The following RGS14 variants were observed in gnomAD, a reference collection of about 807,000 sequenced individuals.
RGS14 encodes the protein regulator of G protein signaling 14.
RGS14 carries 33 observed loss-of-function variants against 63.8 expected under a neutral mutation model. The ratio of observed to expected loss-of-function variants is 0.52; its 90% CI spans 0.39 to 0.69. The LOEUF (loss-of-function observed/expected upper bound fraction) is 0.69, where lower values mean the gene tolerates loss of function less well. RGS14 is among the 30% of genes least tolerant of loss of function. The pLI, the probability that RGS14 is intolerant of heterozygous loss-of-function variation, is 0.00. For synonymous variants in RGS14, 296 were observed against 320.9 expected, an observed-to-expected ratio of 0.92 and a Z score of 0.83; for missense variants, 739 against 742.9, an observed-to-expected ratio of 0.99 and a Z score of 0.06.
At chr5:177,368,322 G>T in intron 8 of RGS14, 56 bp downstream of exon 8, 2 of 1,522,588 alleles carry the variant, frequency 1.3e-6, no homozygotes, top group Non-Finnish European at 8.9e-7. Flanking sequence ...CACTACTCAG[G>T]CCCATTTACG....
At chr5:177,365,925 C>T in intron 1 of RGS14, 38 bp from the exon 2 acceptor site, 2 of 1,611,822 alleles carry the variant, frequency 1.2e-6, no homozygotes, top group Non-Finnish European at 1.7e-6. Context: ...GGAATCCTCA[C>T]TGGGCTCTTC....
At chr5:177,361,417 G>A (rs766568263) in intron 1 of RGS14, among the ~76,000 whole-genome samples, 3 of 152,176 alleles carry the variant, frequency 2.0e-5, no homozygotes, top group Non-Finnish European at 4.4e-5. Context: ...CCCTGAGCAG[G>A]TCATGCCAGA....
At position 177,358,722 on chromosome 5, in the gene RGS14, T is replaced by G. The variant is rs1421196886; in HGVS notation, c.45+653T>G. ...TGGCTGCTTAGCCCCAGATCAGAGC[T>G]GCCCTCAGAGGATCTGGCTCTTCTC... On this transcript the variant is annotated intron_variant, in intron 1 of 14. Coordinates refer to ENST00000408923, the MANE Select transcript of RGS14 (RefSeq NM_006480.5). This position sits in a 1 kb window ranked among gnomAD's most constrained non-coding sequence, Gnocchi z 4.8. Among the ~76,000 whole-genome samples, 3 of 152,236 alleles carry G rather than the reference T, an allele frequency of 2.0e-5. No homozygotes were observed. The highest frequency in any genetic ancestry group is 4.4e-5 in the Non-Finnish European group (3 of 68,034).
chr5:177,366,785 C>T lies in RGS14; in HGVS notation c.324C>T (p.Ala108=), dbSNP rs1762104057. The part of the protein sequence containing the change: ...KACERFQQIP[A]SDTQQLAQEA... ...GCGAGCGCTTCCAGCAGATCCCGGC[C>T]AGCGATACCCAGCAGGTGGGGGAAG... Residue 108 remains alanine (A), a synonymous_variant, in exon 4 of 15, where the codon GCC becomes GCT. Transcript: ENST00000408923. 4 of 1,614,124 alleles carry T rather than the reference C, an allele frequency of 2.5e-6. No individual in the cohort carries two copies. The East Asian group carries it at 8.9e-5, about 36-fold the overall frequency.
chr5:177,368,167 G>A lies in RGS14; in HGVS notation c.750G>A (p.Gly250=), dbSNP rs768039611. The A allele has an allele frequency of 6.2e-7, 1 of 1,613,432 alleles. No individual in the cohort carries two copies. ...CTCCCTCTTCACTAGAGCTGGGCGG[G>A]ACTGCAAACGCCGCCTTGCGCCGAG... is the stretch of plus-strand genomic sequence containing the variant. ...LRKSFRRELG[G]TANAALRRES... is the part of the protein sequence containing the mutation. Residue 250 remains glycine, a synonymous_variant, in exon 8 of 15, where the codon GGG becomes GGA. Transcript: ENST00000408923.
Position 177,366,990 on chromosome 5 carries a change from C to A in RGS14, c.439C>A (p.Leu147Met), listed in dbSNP as rs768803674. The A allele has an allele frequency of 6.2e-7, 1 of 1,613,378 alleles. No homozygotes were observed. Among genetic ancestry groups the A allele is most frequent in the Admixed American group, 1.7e-5 (1 of 60,024 alleles). ...TCAGGCCTGGCTTGGCGAGGAGGTG[C>A]TGGCCGAGCCCCGGCCGGACATGTT... ...DRQAWLGEEV[L>M]AEPRPDMFRA... Residue 147 changes from leucine (L) to methionine (M), a missense_variant, in exon 5 of 15, where the codon CTG becomes ATG. Transcript: ENST00000408923.
At chr5:177,370,191 G>A (rs915564171) in intron 9 of RGS14, among the ~76,000 whole-genome samples, 43 of 152,342 alleles carry the variant, frequency 2.8e-4, no homozygotes, top group African/African-American at 9.9e-4. Context: ...GGGAGGAAAT[G>A]CTTCCAGCTG....
Position 177,366,980 on chromosome 5 carries a change from C to G in RGS14, c.429C>G (p.Gly143=). The change falls in exon 5 of 15, where the codon GGC becomes GGG. Residue 143 remains glycine, a synonymous_variant. Transcript: ENST00000408923. ...ACATCGACCGTCAGGCCTGGCTTGGCGAGGAGGTGCTGGCCGAGCCCCGGC... is the reference window on the plus strand; with the variant it reads ...ACATCGACCGTCAGGCCTGGCTTGGGGAGGAGGTGCTGGCCGAGCCCCGGC... The part of the protein sequence containing the change: ...PVNIDRQAWL[G]EEVLAEPRPD... 6.2e-7 allele frequency: 1 copy of G among 1,613,588 alleles called. No homozygotes were observed. The highest frequency in any genetic ancestry group is 1.1e-5 in the South Asian group (1 of 91,018).
rs1227023726 is a variant in RGS14 at position 177,371,086 on chromosome 5, CGGGGCCG to C, written c.1254+59_1254+65del. The C allele has an allele frequency of 3.0e-4, 122 of 406,512 alleles. 5 individuals are homozygous for C. The African/African-American group carries it at 9.1e-3, about 30-fold the overall frequency. 25.2% of individuals were successfully genotyped at this position (406,512 alleles called of 1,614,324 possible). A position where few individuals can be genotyped will look rare whatever the true frequency, so the allele number is the denominator to read the frequency against. ...GGCGGGGCCGGGCCGGGGCCGGGGC[CGGGGCCG>C]GGGCCGGGGCCGGGGCCGGGGCCGG... On this transcript the variant is annotated intron_variant, in intron 11 of 14. Transcript: ENST00000408923. The surrounding 1 kb of genome is among the most constrained non-coding windows in gnomAD (Gnocchi z 6.1).
At position 177,367,762 on chromosome 5, in the gene RGS14, T is replaced by G. The variant is rs1127682; in HGVS notation, c.676T>G (p.Leu226Val). The G allele has an allele frequency of 6.2e-7, 1 of 1,612,620 alleles. No individual in the cohort carries two copies. The highest frequency in any genetic ancestry group is 8.5e-7 in the Non-Finnish European group (1 of 1,179,538). Residue 226 changes from leucine (L) to valine (V), a missense_variant, in exon 7 of 15, where the codon TTG (leucine) becomes GTG (valine). By Grantham distance (32) the Leu-to-Val change is conservative (BLOSUM62 1). Coordinates refer to ENST00000408923, the MANE Select transcript of RGS14 (RefSeq NM_006480.5). ...GTCGCTGCCGCTGGGTGTGGAGGAGTTGGGGCAGCTGCCACCCGTTGAGGG... is the reference window on the plus strand; with the variant it reads ...GTCGCTGCCGCTGGGTGTGGAGGAGGTGGGGCAGCTGCCACCCGTTGAGGG... Reference protein sequence around the residue: ...GKSLPLGVEELGQLPPVEGPG... With the variant: ...GKSLPLGVEEVGQLPPVEGPG...
intron 7 of RGS14, 98 bp downstream of exon 7, chr5:177,367,923 G>C (rs963617020): frequency 2.8e-6 from 4 of 1,443,494 alleles, no homozygotes; most frequent in Non-Finnish European, 3.6e-6. Context: ...CAGTCTGTAA[G>C]TCTGTGAAAA....
intron 3 of RGS14, 54 bp downstream of exon 3, chr5:177,366,409 GA>G (rs1293036127): frequency 6.2e-6 from 9 of 1,458,490 alleles, no homozygotes; most frequent in Non-Finnish European, 1.8e-6. Flanking sequence ...GCAGGGCGTG[GA>G]TGGAGCTTCA....
intron 9 of RGS14, 172 bp from the exon 10 acceptor site, chr5:177,370,419 C>T: frequency 1.7e-6 from 1 of 595,564 alleles, no homozygotes; most frequent in South Asian, 2.0e-5. Flanking sequence ...TGGGCTTGGA[C>T]TCCAGCTTGG....
In RGS14 at chr5:177,367,746, G is replaced by C. The variant is rs770834079; in HGVS notation, c.660G>C (p.Pro220=). ...KPKLKPGKSL[P]LGVEELGQLP... Reference sequence around the variant, plus strand: ...AGCTGAAGCCCGGGAAGTCGCTGCCGCTGGGTGTGGAGGAGTTGGGGCAGC... The same window carrying C: ...AGCTGAAGCCCGGGAAGTCGCTGCCCCTGGGTGTGGAGGAGTTGGGGCAGC... The change falls in exon 7 of 15, where the codon CCG becomes CCC. Residue 220 remains proline, a synonymous_variant. Transcript: ENST00000408923. The C allele has an allele frequency of 2.5e-6, 4 of 1,612,976 alleles. No individual in the cohort carries two copies. The highest frequency in any genetic ancestry group is 3.4e-6 in the Non-Finnish European group (4 of 1,179,746).
At position 177,364,480 on chromosome 5, in the gene RGS14, C is replaced by A. The variant is rs1309588143; in HGVS notation, c.46-1483C>A. On this transcript the variant is annotated intron_variant, in intron 1 of 14. Coordinates refer to ENST00000408923, the MANE Select transcript of RGS14 (RefSeq NM_006480.5). This position sits in a 1 kb window ranked among gnomAD's most constrained non-coding sequence, Gnocchi z 4.6. ...GGACATTTGAGGGGGGACTCGCCCC[C>A]CTCCGCTGGGCTGCCTGGCCCTGCC... 6.6e-6 allele frequency among the ~76,000 whole-genome samples: 1 copy of A among 152,148 alleles called. No homozygotes were observed. The highest frequency in any genetic ancestry group is 1.9e-4 in the East Asian group (1 of 5,180).
chr5:177,360,384 G>A (rs540109910), intron 1 of RGS14, among the ~76,000 whole-genome samples: 1 of 151,932 alleles, frequency 6.6e-6, no homozygotes, highest in South Asian at 2.1e-4. Context: ...GACCAGCCTG[G>A]GCAACATAGT....
chr5:177,357,947 G>A lies in RGS14; in HGVS notation c.-78G>A, dbSNP rs920140293. 16 of 1,251,966 alleles carry A rather than the reference G, an allele frequency of 1.3e-5. No individual in the cohort carries two copies. Among genetic ancestry groups the A allele is most frequent in the Admixed American group, 8.0e-5 (2 of 24,888 alleles). 77.6% of individuals were successfully genotyped at this position (1,251,966 alleles called of 1,614,324 possible). ...CTCTCTCCACTGCCTGCCCGCCACC[G>A]TGCAAGCTCTGGCCGGCGCTGCCCA... On this transcript the variant is annotated 5_prime_UTR_variant, in exon 1 of 15. In the 5' UTR this introduces an upstream ATG that the reference lacks. Coordinates refer to ENST00000408923, the MANE Select transcript of RGS14 (RefSeq NM_006480.5).
rs1414909484 is a variant in RGS14, at chr5:177,371,455, C to T, written c.1384-20C>T. 1 of 1,614,162 alleles carries T rather than the reference C, an allele frequency of 6.2e-7. No homozygotes were observed. The highest frequency in any genetic ancestry group is 1.3e-5 in the African/African-American group (1 of 75,038). ...TGCTTCTCCCCTCCCGATTTTGGCT[C>T]TGACCCCAAATTCTCGCAGGGCTGC... is the stretch of plus-strand genomic sequence containing the variant. On this transcript the variant is annotated intron_variant, in intron 13 of 14. Transcript: ENST00000408923. This position sits in a 1 kb window ranked among gnomAD's most constrained non-coding sequence, Gnocchi z 6.1.
At chr5:177,367,923 GTC>G in intron 7 of RGS14, 98 bp downstream of exon 7, 2 of 1,443,494 alleles carry the variant, frequency 1.4e-6, no homozygotes, top group East Asian at 2.5e-5. Flanking sequence ...CAGTCTGTAA[GTC>G]TGTGAAAATT....
Sources: allele counts gnomAD v4.1 joint callset (sites outside exome capture counted in the v4.1 genomes callset), GRCh38; gene constraint gnomAD v4.1.1; non-coding constraint Gnocchi (gnomAD v3.1); transcripts MANE v1.5; gene names NCBI Gene and HGNC (gene_info 2026-07-23, HGNC 2026-07-21).